CDH12: variants seen among roughly 807,000 people sequenced by gnomAD.
The protein encoded by CDH12 is cadherin 12, also known as cadherin-12.
CDH12 carries 41 observed loss-of-function variants against 74.1 expected under a neutral mutation model. That is an observed-to-expected ratio of 0.55 (90% CI 0.43 to 0.72). The LOEUF (loss-of-function observed/expected upper bound fraction) is 0.72, where lower values mean the gene tolerates loss of function less well. Ranked by LOEUF, CDH12 falls within the 30% of genes least tolerant of loss-of-function variation. The pLI is 0.00. For missense variants in CDH12, 945 were observed against 977.2 expected, an observed-to-expected ratio of 0.97 and a Z score of 0.44; for synonymous variants, 399 against 355.0, an observed-to-expected ratio of 1.12 and a Z score of -1.39.
chr5:22,289,668 A>G (rs1176862163), intron 3 of CDH12, among the ~76,000 whole-genome samples: 1 of 152,174 alleles, frequency 6.6e-6, no homozygotes, highest in Non-Finnish European at 1.5e-5. Flanking sequence ...GCATTGAAGA[A>G]GGAAGGTAGG....
At chr5:22,832,282 G>A (rs1380819506) in intron 1 of CDH12, among the ~76,000 whole-genome samples, 1 of 152,160 alleles carries the variant, frequency 6.6e-6, no homozygotes, top group East Asian at 1.9e-4. Flanking sequence ...GTATGTTAAA[G>A]TACTTAGTAT....
intron 3 of CDH12, among the ~76,000 whole-genome samples, chr5:22,255,415 C>G (rs1753277631): frequency 6.6e-6 from 1 of 151,570 alleles, no homozygotes. Flanking sequence ...AATATGTATG[C>G]TAAAAACATT....
intron 1 of CDH12, among the ~76,000 whole-genome samples, chr5:22,851,549 T>A (rs1357729622): frequency 1.3e-5 from 2 of 152,140 alleles, no homozygotes; most frequent in Admixed American, 1.3e-4. Flanking sequence ...GAAAACCTCT[T>A]TTTACTTCAG....
intron 4 of CDH12, chr5:22,139,248 A>T (rs1378535271): frequency 6.7e-6 from 1 of 148,932 alleles, no homozygotes; most frequent in Non-Finnish European, 1.5e-5. Context: ...GCTAATACAT[A>T]CTCCTTTGTA....
intron 1 of CDH12, among the ~76,000 whole-genome samples, chr5:22,749,637 G>T (rs899927091): frequency 5.3e-5 from 8 of 152,126 alleles, no homozygotes; most frequent in African/African-American, 1.9e-4. Context: ...AATAGGGAAG[G>T]CAATGGTATT....
chr5:22,749,898 G>T lies in CDH12; in HGVS notation c.-523+103160C>A, dbSNP rs895207078. On this transcript the variant is annotated intron_variant, in intron 1 of 14. Transcript: ENST00000382254. Reference sequence around the variant, plus strand: ...GTTTTCGTATGTTAGCATTATTTTTGAGTTGCATAGACACACACAAAATCA... The same window carrying T: ...GTTTTCGTATGTTAGCATTATTTTTTAGTTGCATAGACACACACAAAATCA... 2.6e-5 allele frequency among the ~76,000 whole-genome samples: 4 copies of T among 152,120 alleles called. No homozygotes were observed. In the East Asian group the frequency reaches 5.8e-4, roughly 22 times the overall value.
intron 1 of CDH12, among the ~76,000 whole-genome samples, chr5:22,664,140 AC>A (rs1354491054): frequency 6.6e-6 from 1 of 152,220 alleles, no homozygotes. Context: ...TTCACATAAT[AC>A]ATCTCTAACA....
intron 10 of CDH12, among the ~76,000 whole-genome samples, chr5:21,789,402 G>A (rs1032184142): frequency 3.8e-4 from 58 of 152,090 alleles, no homozygotes; most frequent in African/African-American, 1.4e-3. Flanking sequence ...TCTGGGTTAA[G>A]TGTCACTGTC....
chr5:22,149,666 G>A (rs1463141840), intron 4 of CDH12, among the ~76,000 whole-genome samples: 1 of 152,128 alleles, frequency 6.6e-6, no homozygotes, highest in Non-Finnish European at 1.5e-5. Flanking sequence ...CAGACTTAAA[G>A]TCAGTAATAA....
At chr5:22,287,540 C>T (rs1273949111) in intron 3 of CDH12, among the ~76,000 whole-genome samples, 1 of 151,498 alleles carries the variant, frequency 6.6e-6, no homozygotes, top group Admixed American at 6.6e-5. Context: ...TTGGCTAACA[C>T]GGTGAAACCC....
At chr5:22,774,338 C>G (rs1475967150) in intron 1 of CDH12, among the ~76,000 whole-genome samples, 1 of 152,062 alleles carries the variant, frequency 6.6e-6, no homozygotes, top group East Asian at 1.9e-4. Context: ...ATGGATGCAG[C>G]TGGAGGCCAT....
intron 4 of CDH12, among the ~76,000 whole-genome samples, chr5:22,117,523 A>ATAATATATATATAATATATATATATAAT (rs1347655379): frequency 1.5e-5 from 1 of 65,580 alleles, no homozygotes; most frequent in Non-Finnish European, 2.9e-5. Context: ...ATATATATAT[A>ATAATATATATATAATATATATATATAAT]ATATATATAT....
chr5:22,114,081 G>T (rs546211368), intron 4 of CDH12, among the ~76,000 whole-genome samples: 1 of 152,286 alleles, frequency 6.6e-6, no homozygotes, highest in East Asian at 1.9e-4. Flanking sequence ...CCCAGCCCCA[G>T]TGTTTTAGAA....
At chr5:22,624,837 G>A (rs1738185267) in intron 1 of CDH12, among the ~76,000 whole-genome samples, 1 of 152,130 alleles carries the variant, frequency 6.6e-6, no homozygotes, top group South Asian at 2.1e-4. Context: ...TATAAATCAT[G>A]CTGCTATAAA....
chr5:22,186,542 C>T (rs543475333), intron 4 of CDH12, among the ~76,000 whole-genome samples: 109 of 152,294 alleles, frequency 7.2e-4, no homozygotes, highest in African/African-American at 2.6e-3. Context: ...ATGATCTCAG[C>T]TCACTGCAAC....
intron 1 of CDH12, among the ~76,000 whole-genome samples, chr5:22,522,868 C>T (rs148216854): frequency 8.1e-4 from 123 of 152,270 alleles, no homozygotes; most frequent in Non-Finnish European, 1.5e-3. Flanking sequence ...AACCTGATCT[C>T]ACTCCCCTAA....
At chr5:22,037,241 T>C (rs1739254703) in intron 5 of CDH12, among the ~76,000 whole-genome samples, 1 of 152,198 alleles carries the variant, frequency 6.6e-6, no homozygotes, top group African/African-American at 2.4e-5. Flanking sequence ...AAAGAGATTT[T>C]GCCGACATGA....
intron 6 of CDH12, among the ~76,000 whole-genome samples, chr5:21,886,660 A>G (rs1007955279): frequency 2.9e-4 from 44 of 150,172 alleles, no homozygotes; most frequent in African/African-American, 1.1e-3. Context: ...TTCCATTAAC[A>G]TGTCTTCAAA....
intron 5 of CDH12, among the ~76,000 whole-genome samples, chr5:22,066,027 T>C (rs188465523): frequency 4.6e-5 from 7 of 152,232 alleles, no homozygotes; most frequent in Non-Finnish European, 8.8e-5. Context: ...AGAGAGTCCT[T>C]GCCCCTCAAT....
Sources: allele counts gnomAD v4.1 joint callset (sites outside exome capture counted in the v4.1 genomes callset), GRCh38; gene constraint gnomAD v4.1.1; transcripts MANE v1.5; gene names NCBI Gene and HGNC (gene_info 2026-07-23, HGNC 2026-07-21).